MAP3K15: variants seen among roughly 807,000 people sequenced by gnomAD.
MAP3K15 encodes mitogen-activated protein kinase kinase kinase 15.
A neutral mutation model predicts 99.5 loss-of-function variants in MAP3K15; 124 were observed. The observed-to-expected ratio is 1.25, with a 90% CI of 1.08 to 1.45. MAP3K15 has a LOEUF of 1.45. Among genes scored for constraint, MAP3K15 ranks in the 40% most tolerant of loss-of-function variants. MAP3K15 has a pLI of 0.00. For synonymous variants in MAP3K15, 494 were observed against 439.6 expected, an observed-to-expected ratio of 1.12 and a Z score of -1.55; for missense variants, 1,242 against 1,079.7, an observed-to-expected ratio of 1.15 and a Z score of -2.11.
intron 1 of MAP3K15, among the ~76,000 whole-genome samples, chrX:19,499,289 C>T (rs901995101): frequency 5.4e-5 from 6 of 111,999 alleles, no homozygotes; most frequent in Non-Finnish European, 1.1e-4. Context: ...GTGTTGGTGA[C>T]GATGTGAAGC....
In MAP3K15 at chrX:19,440,452, A is replaced by C. The variant is rs368887223; in HGVS notation, c.996-8844T>G. ...AAGCGACCTGTGTCTTAGTGTGAAC[A>C]ATGTTCAGAGTCAAATAAACGTACA... On this transcript the variant is annotated intron_variant, in intron 6 of 28. Coordinates refer to ENST00000338883, the MANE Select transcript of MAP3K15 (RefSeq NM_001001671.4). Among the ~76,000 whole-genome samples the C allele has an allele frequency of 1.4e-4, 16 of 112,623 alleles. No homozygotes were observed. In the East Asian group the frequency reaches 4.2e-3, roughly 29 times the overall value.
chrX:19,446,924 TTTA>T (rs1403696922), intron 6 of MAP3K15, among the ~76,000 whole-genome samples: 1 of 111,035 alleles, frequency 9.0e-6, no homozygotes, highest in African/African-American at 3.3e-5. Flanking sequence ...AACTTAATGA[TTTA>T]TTGATTGAGA....
At chrX:19,473,921 T>C (rs1474697934) in intron 3 of MAP3K15, among the ~76,000 whole-genome samples, 2 of 112,332 alleles carry the variant, frequency 1.8e-5, no homozygotes, top group East Asian at 5.5e-4. Flanking sequence ...CTGGTAAATA[T>C]ATATAGGATA....
chrX:19,460,055 C>A lies in MAP3K15; in HGVS notation c.818G>T (p.Arg273Leu), dbSNP rs757135476. The change falls in exon 5 of 29, where the codon CGC (arginine) becomes CTC (leucine). Residue 273 changes from arginine to leucine, a missense_variant. Coordinates refer to ENST00000338883, the MANE Select transcript of MAP3K15 (RefSeq NM_001001671.4). ...LAKELARIKLRMDNTEVLTSD... is the reference protein window; with the variant it reads ...LAKELARIKLLMDNTEVLTSD... ...GGTCAGAACCTCAGTATTATCCATG[C>A]GGAGCTTGATCCGAGCTAGCTCCTT... 6 of 1,194,843 alleles carry A rather than the reference C, an allele frequency of 5.0e-6. No individual in the cohort carries two copies. The highest frequency in any genetic ancestry group is 5.6e-6 in the Non-Finnish European group (5 of 891,567).
intron 9 of MAP3K15, among the ~76,000 whole-genome samples, chrX:19,419,588 T>C (rs1305992679): frequency 1.8e-5 from 2 of 110,962 alleles, no homozygotes; most frequent in East Asian, 5.6e-4. Flanking sequence ...ACAATAATAA[T>C]GGGAGACTTT....
At chrX:19,434,360 GATTACAGGTGTGCACC>G (rs1173231951) in intron 6 of MAP3K15, among the ~76,000 whole-genome samples, 4 of 107,993 alleles carry the variant, frequency 3.7e-5, no homozygotes, top group African/African-American at 6.8e-5. Context: ...AAGTAGCTAG[GATTACAGGTGTGCACC>G]ACCACACCCA....
intron 22 of MAP3K15, among the ~76,000 whole-genome samples, chrX:19,372,040 G>A (rs761725643): frequency 5.5e-5 from 6 of 109,012 alleles, no homozygotes; most frequent in South Asian, 8.0e-4. Flanking sequence ...AGGCTGAGGC[G>A]GGAGAATCAC....
At chrX:19,396,013 C>G (rs2063565783) in intron 15 of MAP3K15, among the ~76,000 whole-genome samples, 1 of 111,673 alleles carries the variant, frequency 9.0e-6, no homozygotes, top group Non-Finnish European at 1.9e-5. Context: ...AAGTGCAGCT[C>G]AAAGTTGATC....
intron 6 of MAP3K15, among the ~76,000 whole-genome samples, chrX:19,433,422 G>C (rs1461547252): frequency 9.0e-6 from 1 of 111,065 alleles, no homozygotes; most frequent in Non-Finnish European, 1.9e-5. Context: ...TTTTTGAACT[G>C]GGAAATTCAT....
intron 7 of MAP3K15, among the ~76,000 whole-genome samples, chrX:19,429,413 G>A (rs2063860346): frequency 9.0e-6 from 1 of 110,569 alleles, no homozygotes; most frequent in African/African-American, 3.3e-5. Flanking sequence ...TGCAAATGGG[G>A]CCTGACTGGA....
At chrX:19,442,686 G>A (rs1246235495) in intron 6 of MAP3K15, among the ~76,000 whole-genome samples, 1 of 103,156 alleles carries the variant, frequency 9.7e-6, no homozygotes, top group Non-Finnish European at 1.9e-5. Context: ...ACCATGCCTG[G>A]CTTTTATTTT....
At chrX:19,462,680 A>C (rs994464889) in intron 4 of MAP3K15, among the ~76,000 whole-genome samples, 1 of 112,074 alleles carries the variant, frequency 8.9e-6, no homozygotes, top group African/African-American at 3.2e-5. Flanking sequence ...CCCTGTAACC[A>C]AGGAAGATGT....
intron 6 of MAP3K15, among the ~76,000 whole-genome samples, chrX:19,442,929 G>A (rs1205814838): frequency 4.9e-5 from 5 of 103,031 alleles, no homozygotes; most frequent in Non-Finnish European, 9.8e-5. Flanking sequence ...TCACCATGTT[G>A]GCCAGGCTGG....
chrX:19,505,015 C>T (rs766230015), intron 1 of MAP3K15, among the ~76,000 whole-genome samples: 4 of 106,541 alleles, frequency 3.8e-5, no homozygotes, highest in Non-Finnish European at 7.7e-5. Flanking sequence ...AGGGTTCCTA[C>T]AGCACCAAAC....
intron 6 of MAP3K15, among the ~76,000 whole-genome samples, chrX:19,438,412 T>C (rs1363916504): frequency 8.9e-6 from 1 of 112,183 alleles, no homozygotes; most frequent in Non-Finnish European, 1.9e-5. Context: ...CTATTACTTA[T>C]GTAAAAAATG....
intron 1 of MAP3K15, among the ~76,000 whole-genome samples, chrX:19,512,652 T>TA (rs2147443039): frequency 1.0e-5 from 1 of 98,763 alleles, no homozygotes; most frequent in South Asian, 5.2e-4. Flanking sequence ...CTTTTTTTTT[T>TA]TTTTTTTTTT....
intron 6 of MAP3K15, among the ~76,000 whole-genome samples, chrX:19,447,075 C>T (rs141430891): frequency 3.8e-4 from 42 of 110,093 alleles, no homozygotes; most frequent in African/African-American, 1.2e-3. Context: ...ACCACCACAC[C>T]GGCTAATTTT....
chrX:19,481,955 T>A (rs2064292350), intron 3 of MAP3K15: 2 of 110,144 alleles, frequency 1.8e-5, no homozygotes, highest in South Asian at 3.9e-4. Context: ...GGCAGGTGGA[T>A]CACTTGAGGT....
intron 1 of MAP3K15, among the ~76,000 whole-genome samples, chrX:19,499,581 T>C (rs1364841948): frequency 8.9e-6 from 1 of 112,461 alleles, no homozygotes; most frequent in Non-Finnish European, 1.9e-5. Context: ...ACCGGTATAT[T>C]CTTACAATAA....
Sources: gnomAD v4.1 joint callset for allele counts (sites outside exome capture counted in the v4.1 genomes callset) on GRCh38, gnomAD v4.1.1 for gene constraint, MANE v1.5 for transcripts, NCBI Gene and HGNC (gene_info 2026-07-23, HGNC 2026-07-21) for gene names.